Variants in FHIT observed in about 807,000 individuals in gnomAD.
FHIT encodes the protein bis(5'-adenosyl)-triphosphatase.
FHIT carries 19 observed loss-of-function variants against 17.9 expected under a neutral mutation model. The observed-to-expected ratio is 1.06, with a 90% confidence interval of 0.74 to 1.56. The LOEUF (loss-of-function observed/expected upper bound fraction) is 1.56. Among genes scored for constraint, FHIT ranks in the 40% most tolerant of loss-of-function variants. FHIT has a pLI of 0.00. For synonymous variants in FHIT, 81 were observed against 69.7 expected (o/e 1.16, Z -0.81); for missense variants, 248 against 189.2 (o/e 1.31, Z -1.82).
At chr3:60,279,854 AC>A (rs1256943367) in intron 5 of FHIT, among the ~76,000 whole-genome samples, 1 of 151,942 alleles carries the variant, frequency 6.6e-6, no homozygotes, top group Non-Finnish European at 1.5e-5. Flanking sequence ...ACACAGTGAA[AC>A]CCCGTCTCTA....
chr3:60,907,784 A>T (rs1306573442), intron 3 of FHIT, among the ~76,000 whole-genome samples: 2 of 152,226 alleles, frequency 1.3e-5, no homozygotes, highest in Admixed American at 1.3e-4. Flanking sequence ...TTAATCAAAG[A>T]TAACTAGCAT....
chr3:60,575,439 G>C (rs782319831), intron 4 of FHIT, among the ~76,000 whole-genome samples: 3 of 152,154 alleles, frequency 2.0e-5, no homozygotes, highest in Non-Finnish European at 2.9e-5. Flanking sequence ...TGGTTGGAAT[G>C]TCCAGAAGGA....
chr3:60,500,297 T>A (rs1321789296), intron 5 of FHIT, among the ~76,000 whole-genome samples: 2 of 152,208 alleles, frequency 1.3e-5, no homozygotes, highest in Admixed American at 6.5e-5. Context: ...CAGAAAAAGT[T>A]TGCTAGCTCC....
chr3:60,744,165 G>T (rs549461125), intron 4 of FHIT, among the ~76,000 whole-genome samples: 1 of 148,488 alleles, frequency 6.7e-6, no homozygotes, highest in African/African-American at 2.5e-5. Context: ...CTCTCTTGCC[G>T]TCCACAGCAG....
intron 2 of FHIT, among the ~76,000 whole-genome samples, chr3:61,112,353 C>T (rs1419391573): frequency 3.3e-5 from 5 of 151,466 alleles, no homozygotes; most frequent in African/African-American, 9.7e-5. Context: ...GAAAGACAGG[C>T]GGCCCCAGTT....
chr3:60,970,172 T>G (rs1559876221), intron 3 of FHIT, among the ~76,000 whole-genome samples: 1 of 152,200 alleles, frequency 6.6e-6, no homozygotes, highest in Non-Finnish European at 1.5e-5. Flanking sequence ...TGAAGAGGTA[T>G]GGTAAAATCC....
At chr3:60,051,326 CTTT>C (rs773498624) in intron 5 of FHIT, among the ~76,000 whole-genome samples, 7 of 131,890 alleles carry the variant, frequency 5.3e-5, no homozygotes, top group Admixed American at 7.8e-5. Flanking sequence ...ATTTAGGATG[CTTT>C]TTTTTTTTTT....
intron 1 of FHIT, among the ~76,000 whole-genome samples, chr3:61,241,605 T>C (rs1288104426): frequency 6.6e-6 from 1 of 152,188 alleles, no homozygotes; most frequent in East Asian, 1.9e-4. Context: ...TACTTCAACA[T>C]TATCTATGAT....
chr3:60,543,073 G>A (rs899670949), intron 4 of FHIT, among the ~76,000 whole-genome samples: 1 of 152,122 alleles, frequency 6.6e-6, no homozygotes, highest in African/African-American at 2.4e-5. Context: ...GCCAGACGCT[G>A]TAGAACAAAG....
chr3:60,479,978 ATGT>A (rs1209452912), intron 5 of FHIT, among the ~76,000 whole-genome samples: 1 of 152,180 alleles, frequency 6.6e-6, no homozygotes, highest in African/African-American at 2.4e-5. Context: ...ATACTGGTTG[ATGT>A]TGTATTAGTC....
chr3:60,647,129 G>A (rs2039878573), intron 4 of FHIT, among the ~76,000 whole-genome samples: 1 of 152,104 alleles, frequency 6.6e-6, no homozygotes, highest in Admixed American at 6.6e-5. Context: ...CTTTAGCAAT[G>A]AACACTAGGA....
chr3:60,125,002 C>T (rs868483730), intron 5 of FHIT, among the ~76,000 whole-genome samples: 33 of 152,308 alleles, frequency 2.2e-4, no homozygotes, highest in Middle Eastern at 3.4e-3. Flanking sequence ...ATGCTTCTCA[C>T]GCATGTCTCT....
chr3:60,344,842 A>G (rs6446123), intron 5 of FHIT, among the ~76,000 whole-genome samples: 1,783 of 152,040 alleles, frequency 0.012, 39 homozygotes, highest in African/African-American at 0.041. Flanking sequence ...ATTAGCCAAG[A>G]TATCATAAAA....
intron 5 of FHIT, among the ~76,000 whole-genome samples, chr3:60,218,379 A>G (rs1291006753): frequency 2.0e-5 from 3 of 152,216 alleles, no homozygotes; most frequent in African/African-American, 7.2e-5. Flanking sequence ...TAAGAGAATT[A>G]TAACAGGATT....
chr3:60,546,028 A>G (rs2036348300), intron 4 of FHIT, among the ~76,000 whole-genome samples: 1 of 152,076 alleles, frequency 6.6e-6, no homozygotes, highest in African/African-American at 2.4e-5. Context: ...TGGTCTTCTT[A>G]TTCCTTTTTC....
chr3:59,928,727 C>A (rs972228343), intron 7 of FHIT, among the ~76,000 whole-genome samples: 1 of 152,062 alleles, frequency 6.6e-6, no homozygotes, highest in Admixed American at 6.6e-5. Flanking sequence ...CCGGGTGCGG[C>A]GGCTCACGCC....
In FHIT at chr3:60,516,557, G is replaced by A. The variant is rs556344160; in HGVS notation, c.103+20303C>T. Among the ~76,000 whole-genome samples, 3 of 152,266 alleles carry A rather than the reference G, an allele frequency of 2.0e-5. No homozygotes were observed. The South Asian group carries it at 6.2e-4, about 32-fold the overall frequency. On this transcript the variant is annotated intron_variant, in intron 5 of 9. Transcript: ENST00000492590. ...CCACCTGGATTTGAAACCTGGCTCT[G>A]CCACTTAATAGCTGTTTGGTCTAGA...
intron 4 of FHIT, among the ~76,000 whole-genome samples, chr3:60,728,587 CG>C (rs1175345500): frequency 5.3e-5 from 8 of 151,756 alleles, no homozygotes; most frequent in African/African-American, 1.5e-4. Flanking sequence ...TGTTTTGCGT[CG>C]TTTTTTTAAA....
Position 60,855,834 on chromosome 3 carries a change from T to A in FHIT, c.-110-33823A>T, listed in dbSNP as rs1019283140. Among the ~76,000 whole-genome samples the A allele has an allele frequency of 1.1e-4, 16 of 152,128 alleles. 1 individual carries two copies. Among genetic ancestry groups the A allele is most frequent in the Non-Finnish European group, 2.2e-4 (15 of 68,018 alleles). On this transcript the variant is annotated intron_variant, in intron 3 of 9. Coordinates refer to ENST00000492590, the MANE Select transcript of FHIT (RefSeq NM_002012.4). ...CCCTCTCTCCAGCCCTAAGGAACTC[T>A]TAATTTAAGACTGACAAGATGAATG...
Sources: gnomAD v4.1 joint callset for allele counts (sites outside exome capture counted in the v4.1 genomes callset) on GRCh38, gnomAD v4.1.1 for gene constraint, MANE v1.5 for transcripts, NCBI Gene and HGNC (gene_info 2026-07-23, HGNC 2026-07-21) for gene names.